Variants in BDH1 observed in about 807,000 individuals in gnomAD.
BDH1 encodes 3-hydroxybutyrate dehydrogenase 1.
Under a neutral mutation model 33.1 loss-of-function variants are expected in BDH1, and 30 were observed. The observed-to-expected ratio is 0.91, with a 90% CI of 0.68 to 1.23. The LOEUF is 1.23. BDH1 is among the 50% of genes most tolerant of loss of function. The pLI is 0.00. For synonymous variants in BDH1, 190 were observed against 183.6 expected, an observed-to-expected ratio of 1.03 and a Z score of -0.28; for missense variants, 443 against 464.4, an observed-to-expected ratio of 0.95 and a Z score of 0.42.
intron 3 of BDH1, among the ~76,000 whole-genome samples, chr3:197,541,226 C>T (rs1393255203): frequency 6.6e-6 from 1 of 152,178 alleles, no homozygotes; most frequent in Non-Finnish European, 1.5e-5. Flanking sequence ...AGGTCCCTCC[C>T]GTTGACATTC....
At position 197,561,850 on chromosome 3, in the gene BDH1, AT is replaced by A. The variant is rs1304698600; in HGVS notation, c.-44+11330del. On this transcript the variant is annotated intron_variant, in intron 1 of 6. Coordinates refer to the BDH1 transcript ENST00000358186. ...GTTTGCTTCCTGTCTTAAAAAAAAAATATTTATTTCATTTACTTTTCTTCTA... is the reference window on the plus strand; with the variant it reads ...GTTTGCTTCCTGTCTTAAAAAAAAAAATTTATTTCATTTACTTTTCTTCTA... Among the ~76,000 whole-genome samples the A allele has an allele frequency of 2.6e-5, 4 of 152,170 alleles. No homozygotes were observed. The East Asian group carries it at 5.8e-4, about 22-fold the overall frequency.
At chr3:197,566,411 C>A (rs1717434855) in intron 1 of BDH1, among the ~76,000 whole-genome samples, 1 of 152,102 alleles carries the variant, frequency 6.6e-6, no homozygotes, top group South Asian at 2.1e-4. Context: ...GCCCAGGAGC[C>A]CCAAGTTTAT....
chr3:197,528,533 G>A lies in BDH1; in HGVS notation c.267+3879C>T, dbSNP rs1012651005. 1 of 152,160 alleles carries A rather than the reference G, an allele frequency of 6.6e-6. No individual in the cohort carries two copies. Among genetic ancestry groups the A allele is most frequent in the African/African-American group, 2.4e-5 (1 of 41,414 alleles). The allele number at this position is 152,160 out of a possible 1,614,324, so 9.4% of individuals were successfully genotyped here. A position where few individuals can be genotyped will look rare whatever the true frequency, so the allele number is the denominator to read the frequency against. Reference sequence around the variant, plus strand: ...ATCATGGGGCTAACACTACAGAATCGGGCTAGAAGCAAATTCCCCCTTTCA... The same window carrying A: ...ATCATGGGGCTAACACTACAGAATCAGGCTAGAAGCAAATTCCCCCTTTCA... On this transcript the variant is annotated intron_variant, in intron 5 of 7. Transcript: ENST00000392379. The surrounding 1 kb of genome is among the most constrained non-coding windows in gnomAD (Gnocchi z 5.1).
intron 1 of BDH1, among the ~76,000 whole-genome samples, chr3:197,572,237 C>T (rs1199995924): frequency 1.3e-5 from 2 of 152,200 alleles, no homozygotes; most frequent in Non-Finnish European, 2.9e-5. Flanking sequence ...CCCCAAAACC[C>T]TGTGATTTAG....
intron 1 of BDH1, among the ~76,000 whole-genome samples, chr3:197,563,092 AC>A (rs770425478): frequency 3.5e-4 from 54 of 152,340 alleles, no homozygotes; most frequent in Non-Finnish European, 7.1e-4. Context: ...TGGCTAAAGT[AC>A]TGGAGTAAAA....
chr3:197,520,988 C>A lies in BDH1; in HGVS notation c.409+1652G>T, dbSNP rs1713483761. 6.6e-6 allele frequency among the ~76,000 whole-genome samples: 1 copy of A among 152,050 alleles called. No homozygotes were observed. The highest frequency in any genetic ancestry group is 2.4e-5 in the African/African-American group (1 of 41,394). Reference sequence around the variant, plus strand: ...ACAGGCAGAGGAGCGGCATCACCGACAGCCACACACGCAGCCTCTGAGGCA... The same window carrying A: ...ACAGGCAGAGGAGCGGCATCACCGAAAGCCACACACGCAGCCTCTGAGGCA... On this transcript the variant is annotated intron_variant, in intron 6 of 7. Transcript: ENST00000392379. The surrounding 1 kb of genome is among the most constrained non-coding windows in gnomAD (Gnocchi z 6.0).
intron 1 of BDH1, among the ~76,000 whole-genome samples, chr3:197,564,200 T>C (rs796738685): frequency 5.3e-5 from 8 of 152,014 alleles, no homozygotes; most frequent in African/African-American, 1.9e-4. Flanking sequence ...TCTTGTATGG[T>C]AAATTTAGTC....
chr3:197,566,884 G>A (rs1348839438), intron 1 of BDH1, among the ~76,000 whole-genome samples: 1 of 151,950 alleles, frequency 6.6e-6, no homozygotes, highest in African/African-American at 2.4e-5. Context: ...TGAAAACTGA[G>A]CTGTGCTTTC....
Position 197,525,907 on chromosome 3 carries a change from C to T in BDH1, c.268-3126G>A, listed in dbSNP as rs1156926870. ...TCTGTGTGCTCCCTCTGCTGGTCTC[C>T]GTGCTCCCTCTGCAGGTCTCTGGAG... On this transcript the variant is annotated intron_variant, in intron 5 of 7. Transcript: ENST00000392379. The surrounding 1 kb of genome is among the most constrained non-coding windows in gnomAD (Gnocchi z 4.9). 4.0e-5 allele frequency among the ~76,000 whole-genome samples: 6 copies of T among 151,208 alleles called. No individual in the cohort carries two copies. Among genetic ancestry groups the T allele is most frequent in the Admixed American group, 6.6e-5 (1 of 15,236 alleles).
chr3:197,567,041 T>C (rs1196676180), intron 1 of BDH1, among the ~76,000 whole-genome samples: 1 of 151,940 alleles, frequency 6.6e-6, no homozygotes, highest in East Asian at 1.9e-4. Context: ...GATTGTTCTT[T>C]TGTTTGTTGT....
rs766123473 is a variant in BDH1, at chr3:197,520,755, G to T, written c.409+1885C>A. ...TGCCCAGGGAAGGTGGGAGGGAGGA[G>T]AATTTACCGCCAGGGAAGGGCGAAG... On this transcript the variant is annotated intron_variant, in intron 6 of 7. Coordinates refer to ENST00000392379, the MANE Select transcript of BDH1 (RefSeq NM_203314.3). This position sits in a 1 kb window ranked among gnomAD's most constrained non-coding sequence, Gnocchi z 6.0. 1.3e-5 allele frequency among the ~76,000 whole-genome samples: 2 copies of T among 152,324 alleles called. No homozygotes were observed. Among genetic ancestry groups the T allele is most frequent in the Admixed American group, 6.5e-5 (1 of 15,298 alleles).
intron 3 of BDH1, chr3:197,534,120 T>C (rs1714945282): frequency 6.6e-6 from 1 of 152,364 alleles, no homozygotes; most frequent in Non-Finnish European, 1.5e-5. Context: ...GGTAGTATCT[T>C]GCAAAACTGT....
chr3:197,522,737 A>G lies in BDH1; in HGVS notation c.312T>C (p.Ser104=). 6.2e-7 allele frequency: 1 copy of G among 1,614,138 alleles called. No homozygotes were observed. Among genetic ancestry groups the G allele is most frequent in the Non-Finnish European group, 8.5e-7 (1 of 1,180,016 alleles). ...DGVKELDSLN[S]DRLRTVQLNV... is the part of the protein sequence containing the mutation. The stretch of plus-strand genomic sequence containing the variant: ...TGAGCTGGACGGTTCTCAATCGGTC[A>G]CTGTTTAGGCTGTCCAGCTCCTTGA... Residue 104 remains serine (S), a synonymous_variant, in exon 6 of 8, where the codon AGT becomes AGC. Coordinates refer to ENST00000392379, the MANE Select transcript of BDH1 (RefSeq NM_203314.3). The surrounding 1 kb of genome is among the most constrained non-coding windows in gnomAD (Gnocchi z 4.8).
Position 197,525,037 on chromosome 3 carries a change from G to A in BDH1, c.268-2256C>T, listed in dbSNP as rs374985137. ...GGCTCTGAAATCCCCTAGGTGCGCCGACCTTCCCAAACAAGACGCAGGCAT... is the reference window on the plus strand; with the variant it reads ...GGCTCTGAAATCCCCTAGGTGCGCCAACCTTCCCAAACAAGACGCAGGCAT... On this transcript the variant is annotated intron_variant, in intron 5 of 7. Coordinates refer to ENST00000392379, the MANE Select transcript of BDH1 (RefSeq NM_203314.3). This position sits in a 1 kb window ranked among gnomAD's most constrained non-coding sequence, Gnocchi z 4.9. 6.6e-6 allele frequency among the ~76,000 whole-genome samples: 1 copy of A among 152,118 alleles called. No individual in the cohort carries two copies. The highest frequency in any genetic ancestry group is 2.4e-5 in the African/African-American group (1 of 41,408).
chr3:197,524,169 A>G (rs1208228371), intron 5 of BDH1, among the ~76,000 whole-genome samples: 1 of 152,242 alleles, frequency 6.6e-6, no homozygotes, highest in Non-Finnish European at 1.5e-5. Flanking sequence ...TTGGTCATAA[A>G]TGACTTAATT....
At chr3:197,555,069 G>A (rs1266714613) in intron 1 of BDH1, among the ~76,000 whole-genome samples, 2 of 152,232 alleles carry the variant, frequency 1.3e-5, no homozygotes, top group African/African-American at 4.8e-5. Context: ...GCGCCGCCTG[G>A]ACTCCCACCC....
intron 6 of BDH1, chr3:197,515,548 C>G (rs1021544540): frequency 1.0e-6 from 1 of 985,712 alleles, no homozygotes; most frequent in Non-Finnish European, 1.2e-6. Flanking sequence ...ATCCTTCTCT[C>G]TCTTTTACAC....
chr3:197,528,753 T>C lies in BDH1; in HGVS notation c.267+3659A>G, dbSNP rs11915185. 0.4 allele frequency: 60,560 copies of C among 152,112 alleles called. 13,976 individuals are homozygous for C. Among genetic ancestry groups the C allele is most frequent in the African/African-American group, 0.65 (26,760 of 41,488 alleles). The allele number at this position is 152,112 out of a possible 1,614,324, so 9.4% of individuals were successfully genotyped here. A position where few individuals can be genotyped will look rare whatever the true frequency, so the allele number is the denominator to read the frequency against. ...AATCACTGTTGCAGGAGTGGAAGGA[T>C]CTAAGATCACCAGTCCAATCCTATT... On this transcript the variant is annotated intron_variant, in intron 5 of 7. Transcript: ENST00000392379. The surrounding 1 kb of genome is among the most constrained non-coding windows in gnomAD (Gnocchi z 5.1).
intron 1 of BDH1, among the ~76,000 whole-genome samples, chr3:197,564,837 G>C (rs573263979): frequency 6.6e-6 from 1 of 152,322 alleles, no homozygotes; most frequent in Non-Finnish European, 1.5e-5. Flanking sequence ...GGAAGTTATA[G>C]CTTATGGTCA....
Sources: gnomAD v4.1 joint callset for allele counts (sites outside exome capture counted in the v4.1 genomes callset) on GRCh38, gnomAD v4.1.1 for gene constraint, Gnocchi (gnomAD v3.1) non-coding constraint, MANE v1.5 for transcripts, NCBI Gene and HGNC (gene_info 2026-07-23, HGNC 2026-07-21) for gene names.